CRACD: variants seen among roughly 807,000 people sequenced by gnomAD.
The protein encoded by CRACD is capping protein-inhibiting regulator of actin dynamics.
In CRACD, 56 loss-of-function variants were observed where a neutral mutation model predicts 106.8. The observed-to-expected ratio is 0.52, with a 90% CI of 0.42 to 0.66. The LOEUF is 0.66. Ranked by LOEUF, CRACD falls within the 30% of genes least tolerant of loss-of-function variation. The pLI is 0.00. For synonymous variants in CRACD, 754 were observed against 670.8 expected, an observed-to-expected ratio of 1.12 and a Z score of -1.92; for missense variants, 1,730 against 1,623.2, an observed-to-expected ratio of 1.07 and a Z score of -1.13.
chr4:56,294,913 C>CAAAAAAAAAAAAAAAAAAAGCAAA (rs1743908604), intron 3 of CRACD, among the ~76,000 whole-genome samples: 1 of 72,164 alleles, frequency 1.4e-5, no homozygotes, highest in Admixed American at 1.9e-4. Context: ...GACCTTGTCT[C>CAAAAAAAAAAAAAAAAAAAGCAAA]AAAAAAAAAA....
At chr4:56,110,129 A>G (rs749675555) in intron 1 of CRACD, among the ~76,000 whole-genome samples, 1 of 152,234 alleles carries the variant, frequency 6.6e-6, no homozygotes, top group African/African-American at 2.4e-5. Flanking sequence ...CCCAAAGTTA[A>G]GAATCAAAAG....
At chr4:56,230,530 C>T (rs1007016158) in intron 2 of CRACD, among the ~76,000 whole-genome samples, 9 of 152,080 alleles carry the variant, frequency 5.9e-5, no homozygotes, top group African/African-American at 9.7e-5. Context: ...TCTAGTTCTG[C>T]GCTAACTTGC....
intron 3 of CRACD, chr4:56,297,938 C>T (rs944760565): frequency 1.3e-5 from 3 of 222,706 alleles, no homozygotes; most frequent in Non-Finnish European, 2.6e-5. Flanking sequence ...ATTAAAAGTT[C>T]TGCAGTGCCT....
chr4:56,196,855 A>C (rs975619030), intron 2 of CRACD, among the ~76,000 whole-genome samples: 8 of 152,204 alleles, frequency 5.3e-5, no homozygotes, highest in Non-Finnish European at 1.0e-4. Context: ...AATACTTTAA[A>C]ATAGAGGGCC....
intron 1 of CRACD, among the ~76,000 whole-genome samples, chr4:56,110,457 T>C (rs902106264): frequency 6.6e-6 from 1 of 152,156 alleles, no homozygotes; most frequent in African/African-American, 2.4e-5. Flanking sequence ...CCCAGGATGA[T>C]GGTGAAGGAG....
rs1462110681 is a variant in CRACD, at chr4:56,249,333, G to A, written c.-188-22988G>A. Among the ~76,000 whole-genome samples, 67 of 147,610 alleles carry A rather than the reference G, an allele frequency of 4.5e-4. 1 individual carries two copies. Among genetic ancestry groups the A allele is most frequent in the Non-Finnish European group, 1.3e-4 (9 of 67,106 alleles). The stretch of plus-strand genomic sequence containing the variant: ...CATTTCTCTGATGGCCAGTGATGAT[G>A]AGCATTTTTTCATGTGTTTTTTGGC... On this transcript the variant is annotated intron_variant, in intron 2 of 10. Coordinates refer to ENST00000682029, the MANE Select transcript of CRACD (RefSeq NM_001393381.1).
At chr4:56,229,455 G>A (rs956111644) in intron 2 of CRACD, among the ~76,000 whole-genome samples, 6 of 152,140 alleles carry the variant, frequency 3.9e-5, no homozygotes, top group African/African-American at 1.4e-4. Flanking sequence ...CTTGATCTTG[G>A]ACTTCCCAGC....
intron 2 of CRACD, among the ~76,000 whole-genome samples, chr4:56,259,986 G>T (rs1741599654): frequency 6.6e-6 from 1 of 152,140 alleles, no homozygotes; most frequent in Non-Finnish European, 1.5e-5. Context: ...CCTCAGAGAT[G>T]CAGGTTTCAG....
intron 1 of CRACD, among the ~76,000 whole-genome samples, chr4:56,156,225 G>T (rs1735757744): frequency 6.6e-6 from 1 of 152,210 alleles, no homozygotes; most frequent in Admixed American, 6.5e-5. Flanking sequence ...GCCTCCCAAG[G>T]TGCTGGGATT....
intron 2 of CRACD, among the ~76,000 whole-genome samples, chr4:56,201,904 C>T (rs1737897980): frequency 6.6e-6 from 1 of 152,280 alleles, no homozygotes; most frequent in South Asian, 2.1e-4. Flanking sequence ...TATATTAAAA[C>T]ACATGTACAA....
intron 1 of CRACD, among the ~76,000 whole-genome samples, chr4:56,054,805 A>G (rs945830156): frequency 6.6e-5 from 10 of 152,246 alleles, no homozygotes; most frequent in Non-Finnish European, 1.3e-4. Flanking sequence ...AAAAGCTTTT[A>G]TATGTGAAAA....
At chr4:56,183,749 G>A (rs1168508243) in intron 2 of CRACD, among the ~76,000 whole-genome samples, 3 of 152,202 alleles carry the variant, frequency 2.0e-5, no homozygotes, top group African/African-American at 4.8e-5. Context: ...AGGTTGGTTG[G>A]TGAGGGCTTC....
At chr4:56,134,396 C>G (rs943883715) in intron 1 of CRACD, among the ~76,000 whole-genome samples, 6 of 152,120 alleles carry the variant, frequency 3.9e-5, no homozygotes, top group Non-Finnish European at 7.3e-5. Context: ...GGACCCAAGA[C>G]CAAACTGGGG....
intron 2 of CRACD, among the ~76,000 whole-genome samples, chr4:56,258,803 T>C (rs1051257193): frequency 6.6e-6 from 1 of 152,134 alleles, no homozygotes; most frequent in African/African-American, 2.4e-5. Flanking sequence ...GGAATACAAT[T>C]GGAAAATTGT....
intron 2 of CRACD, among the ~76,000 whole-genome samples, chr4:56,226,563 A>G (rs1192001999): frequency 2.0e-5 from 3 of 152,162 alleles, no homozygotes; most frequent in African/African-American, 7.2e-5. Flanking sequence ...TGTTGCTAAG[A>G]GAAAATTTGA....
chr4:56,269,198 C>A (rs1742203818), intron 2 of CRACD, among the ~76,000 whole-genome samples: 1 of 151,944 alleles, frequency 6.6e-6, no homozygotes, highest in Admixed American at 6.6e-5. Context: ...GCCTGGCCAA[C>A]ACAGTGATAC....
chr4:56,316,694 G>C lies in CRACD; in HGVS notation c.3187+5G>C, dbSNP rs746439318. On this transcript the variant is annotated splice_donor_5th_base_variant and intron_variant, in intron 8 of 10. Transcript: ENST00000682029. ...CACCCGAGGCCGGGAGGAAAGGTAG[G>C]TAGCTGCAGGGTGGGTAACTGCTGC... 53 of 1,602,018 alleles carry C rather than the reference G, an allele frequency of 3.3e-5. No individual in the cohort carries two copies. The highest frequency in any genetic ancestry group is 4.5e-5 in the Non-Finnish European group (53 of 1,172,602).
intron 2 of CRACD, among the ~76,000 whole-genome samples, chr4:56,231,129 T>A (rs1739594381): frequency 6.6e-6 from 1 of 152,220 alleles, no homozygotes; most frequent in Admixed American, 6.5e-5. Flanking sequence ...CTTCTTCTGA[T>A]TTATTTTCCT....
chr4:56,314,579 A>C lies in CRACD; in HGVS notation c.1077A>C (p.Lys359Asn), dbSNP rs1745418705. The change falls in exon 8 of 11, where the codon AAA becomes AAC. Residue 359 changes from lysine (K) to asparagine (N), a missense_variant. By Grantham distance (94) the Lys-to-Asn change is moderately conservative (BLOSUM62 0). Around this residue, in one of 5 missense-constraint regions of CRACD, gnomAD observed 1,620 missense variants for 1,481.6 expected, o/e 1.09. Transcript: ENST00000682029. This position sits in a 1 kb window ranked among gnomAD's most constrained non-coding sequence, Gnocchi z 4.4. ...AAGGAAGATGCGCGGAGGAGCTCAA[A>C]AGGCAGGAGGAGGAGGAGGCTGAGG... is the stretch of plus-strand genomic sequence containing the variant. ...EEEGRCAEEL[K>N]RQEEEEAEGW... 6.6e-7 allele frequency: 1 copy of C among 1,517,588 alleles called. No homozygotes were observed. Among genetic ancestry groups the C allele is most frequent in the East Asian group, 2.5e-5 (1 of 40,588 alleles). 94.0% of individuals were successfully genotyped at this position (1,517,588 alleles called of 1,614,324 possible).
Sources: allele counts gnomAD v4.1 joint callset (sites outside exome capture counted in the v4.1 genomes callset), GRCh38; gene constraint gnomAD v4.1.1; regional missense constraint gnomAD v4.1.1; non-coding constraint Gnocchi (gnomAD v3.1); transcripts MANE v1.5; gene names NCBI Gene and HGNC (gene_info 2026-07-23, HGNC 2026-07-21).